The following TOMM40 variants were observed in gnomAD, a reference collection of about 807,000 sequenced individuals.
TOMM40 encodes translocase of outer mitochondrial membrane 40, also known as mitochondrial import receptor subunit TOM40 homolog.
A neutral mutation model predicts 38.4 loss-of-function variants in TOMM40; 9 were observed. That is an observed-to-expected ratio of 0.23 (90% CI 0.14 to 0.41). The LOEUF (loss-of-function observed/expected upper bound fraction) is 0.41. Ranked by LOEUF, TOMM40 falls within the 10% of genes least tolerant of loss-of-function variation. The pLI, the probability that TOMM40 is intolerant of heterozygous loss-of-function variation, is 1.00. For missense variants in TOMM40, 299 were observed against 486.5 expected (o/e 0.61, Z 3.63); for synonymous variants, 184 against 210.0 (o/e 0.88, Z 1.07).
At chr19:44,891,996 G>A (rs2122737913) in intron 1 of TOMM40, among the ~76,000 whole-genome samples, 1 of 152,294 alleles carries the variant, frequency 6.6e-6, no homozygotes, top group South Asian at 2.1e-4. Flanking sequence ...CACGGTGTCA[G>A]CAAGGTGTCA....
At chr19:44,891,801 C>CCTCCTAGTGCTGTTAAA in intron 1 of TOMM40, 112 bp downstream of exon 1, 1 of 1,155,058 alleles carries the variant, frequency 8.7e-7, no homozygotes, top group Non-Finnish European at 1.1e-6. Context: ...TTTAACAGCA[C>CCTCCTAGTGCTGTTAAA]TAGGAGGTGA....
In TOMM40 at chr19:44,903,109, G is replaced by T. The variant is rs999708926; in HGVS notation, c.1026G>T (p.Gly342=). The change falls in exon 9 of 9, where the codon GGG becomes GGT. Residue 342 remains glycine (G), a synonymous_variant. Transcript: ENST00000426677. ...CCCTGCCCCTGACACTGGCCCTTGG[G>T]GCCTTCCTGAATCACCGCAAGAACA... The part of the protein sequence containing the change: ...LPPLPLTLAL[G]AFLNHRKNKF... 1 of 1,612,330 alleles carries T rather than the reference G, an allele frequency of 6.2e-7. No homozygotes were observed.
intron 5 of TOMM40, among the ~76,000 whole-genome samples, chr19:44,895,433 C>A (rs1033383440): frequency 1.3e-5 from 2 of 152,112 alleles, no homozygotes; most frequent in African/African-American, 4.8e-5. Flanking sequence ...TGAGGCTGAT[C>A]TGTAGGGGCC....
At chr19:44,897,725 G>A (rs1368292234) in intron 5 of TOMM40, among the ~76,000 whole-genome samples, 1 of 150,644 alleles carries the variant, frequency 6.6e-6, no homozygotes, top group East Asian at 2.0e-4. Context: ...AGTGAGCCGA[G>A]ATGACGCCTT....
At position 44,891,370 on chromosome 19, in the gene TOMM40, G is replaced by T. The variant is rs1173594833; in HGVS notation, c.-46G>T. The stretch of plus-strand genomic sequence containing the variant: ...TTTGCTGGGGCTGAGTCGGGGGCGC[G>T]CGGGCCCTGACCTCTGCCCTCTGAC... On this transcript the variant is annotated 5_prime_UTR_variant, in exon 1 of 9. Coordinates refer to ENST00000426677, the MANE Select transcript of TOMM40 (RefSeq NM_001128917.2). 8.1e-7 allele frequency: 1 copy of T among 1,234,196 alleles called. No homozygotes were observed. The highest frequency in any genetic ancestry group is 1.0e-6 in the Non-Finnish European group (1 of 987,384). The allele number at this position is 1,234,196 out of a possible 1,614,324, so 76.5% of individuals were successfully genotyped here. A position where few individuals can be genotyped will look rare whatever the true frequency, so the allele number is the denominator to read the frequency against.
intron 6 of TOMM40, 39 bp downstream of exon 6, chr19:44,900,891 G>T (rs772739403): frequency 4.0e-5 from 64 of 1,610,334 alleles, no homozygotes; most frequent in Non-Finnish European, 5.0e-5. Flanking sequence ...GAGGGGCTGG[G>T]CCCCTGGACT....
At chr19:44,892,367 A>T in intron 1 of TOMM40, 26 bp from the exon 2 acceptor site, 1 of 1,611,922 alleles carries the variant, frequency 6.2e-7, no homozygotes, top group Non-Finnish European at 8.5e-7. Context: ...GTTGGAGTGG[A>T]GTGTGACAGC....
chr19:44,895,846 C>T (rs548463617), intron 5 of TOMM40, among the ~76,000 whole-genome samples: 12 of 152,274 alleles, frequency 7.9e-5, no homozygotes, highest in Admixed American at 2.6e-4. Flanking sequence ...CGCGCCCGGC[C>T]GACCATGCAA....
In TOMM40 at chr19:44,901,200, C is replaced by T. The variant is rs1391327086; in HGVS notation, c.844-8C>T. The T allele has an allele frequency of 6.2e-7, 1 of 1,613,962 alleles. No individual in the cohort carries two copies. The highest frequency in any genetic ancestry group is 8.5e-7 in the Non-Finnish European group (1 of 1,179,978). The stretch of plus-strand genomic sequence containing the variant: ...GCTAATTCTCATGTGTTGCTCCGGC[C>T]CCTCCAGCTGCAGGTGGGTGTGGAG... On this transcript the variant is annotated splice_region_variant and splice_polypyrimidine_tract_variant and intron_variant, in intron 7 of 8. Transcript: ENST00000426677.
Position 44,903,177 on chromosome 19 carries a change from T to A in TOMM40, c.*8T>A. The stretch of plus-strand genomic sequence containing the variant: ...GGCCTCACCATCGGCTGAGCCCTCC[T>A]GGCCCCCGCCTTCCACGCCCTTCCG... On this transcript the variant is annotated 3_prime_UTR_variant, in exon 9 of 9. Transcript: ENST00000426677. 6.2e-7 allele frequency: 1 copy of A among 1,604,410 alleles called. No homozygotes were observed. Among genetic ancestry groups the A allele is most frequent in the Non-Finnish European group, 8.5e-7 (1 of 1,176,114 alleles).
rs766016537 is a variant in TOMM40, at chr19:44,901,065, G to A, written c.804G>A (p.Ala268=). 1.1e-5 allele frequency: 18 copies of A among 1,614,134 alleles called. No homozygotes were observed. The highest frequency in any genetic ancestry group is 1.6e-4 in the Middle Eastern group (1 of 6,082). The change falls in exon 7 of 9, where the codon GCG becomes GCA. Residue 268 remains alanine, a synonymous_variant. Transcript: ENST00000426677. The part of the protein sequence containing the change: ...NWLATVTLGQ[A]GMHATYYHKA... ...TGGCAACGGTAACGTTGGGCCAGGC[G>A]GGCATGCACGCAACATACTACCACA...
intron 8 of TOMM40, 86 bp downstream of exon 8, chr19:44,901,396 G>A (rs1279748693): frequency 1.9e-6 from 3 of 1,541,938 alleles, no homozygotes; most frequent in East Asian, 4.8e-5. Context: ...AGGTGCTGGA[G>A]GACAGTGTGC....
At chr19:44,893,416 G>T (rs157583) in intron 3 of TOMM40, among the ~76,000 whole-genome samples, 5,767 of 152,272 alleles carry the variant, frequency 0.038, 413 homozygotes, top group African/African-American at 0.13. Context: ...GGGTTGGGGG[G>T]ACTGAATGAG....
At chr19:44,898,525 CTTT>C (rs71173106) in intron 5 of TOMM40, among the ~76,000 whole-genome samples, 3 of 88,990 alleles carry the variant, frequency 3.4e-5, no homozygotes, top group African/African-American at 1.3e-4. Flanking sequence ...TTTTTTTTTT[CTTT>C]TTTTTTTTTT....
Position 44,894,249 on chromosome 19 carries a change from A to G in TOMM40, c.643+183A>G, listed in dbSNP as rs182472499. On this transcript the variant is annotated intron_variant, in intron 5 of 8. Transcript: ENST00000426677. ...GTCACCCACTGACCATGAGTGGGTG[A>G]GTCAGAGCAGTCTTTTTTTTTTTTT... Among the ~76,000 whole-genome samples the G allele has an allele frequency of 0.012, 1,671 of 139,074 alleles. 21 individuals carry two copies. Among genetic ancestry groups the G allele is most frequent in the Non-Finnish European group, 0.018 (1,163 of 65,598 alleles). The allele number at this position is 139,074 out of a possible 152,430, so 91.2% of individuals were successfully genotyped here. A position where few individuals can be genotyped will look rare whatever the true frequency, so the allele number is the denominator to read the frequency against.
At chr19:44,891,712 TG>T in intron 1 of TOMM40, 23 bp downstream of exon 1, 1 of 1,420,522 alleles carries the variant, frequency 7.0e-7, no homozygotes, top group South Asian at 1.4e-5. Flanking sequence ...GGGCCCCCGC[TG>T]GGCTGCGATG....
In TOMM40 at chr19:44,892,804, C is replaced by G. The variant is rs758598804; in HGVS notation, c.343-33C>G. ...CTCTTCAGTGGGCAAGCCTATCTGT[C>G]CAGTATCGTCACAGCTCTCGCTTTC... On this transcript the variant is annotated intron_variant, in intron 2 of 8. Coordinates refer to ENST00000426677, the MANE Select transcript of TOMM40 (RefSeq NM_001128917.2). 1.6e-5 allele frequency: 25 copies of G among 1,559,834 alleles called. No homozygotes were observed. The Admixed American group carries it at 2.5e-4, about 16-fold the overall frequency.
intron 1 of TOMM40, 46 bp from the exon 2 acceptor site, chr19:44,892,347 T>C (rs1468415644): frequency 6.4e-7 from 1 of 1,571,054 alleles, no homozygotes; most frequent in Middle Eastern, 1.7e-4. Context: ...GAGATGAGAG[T>C]TGGTGTGGGG....
At chr19:44,893,031 G>A (rs1459479421) in intron 3 of TOMM40, 102 bp downstream of exon 3, 41 of 883,960 alleles carry the variant, frequency 4.6e-5, no homozygotes, top group Non-Finnish European at 6.8e-5. Context: ...CACAGCTACC[G>A]AGAGCCTGGA....
Sources: gnomAD v4.1 joint callset for allele counts (sites outside exome capture counted in the v4.1 genomes callset) on GRCh38, gnomAD v4.1.1 for gene constraint, MANE v1.5 for transcripts, NCBI Gene and HGNC (gene_info 2026-07-23, HGNC 2026-07-21) for gene names.